The following EPHB2 variants were observed in gnomAD, a reference collection of about 807,000 sequenced individuals.
The protein encoded by EPHB2 is EPH receptor B2.
A neutral mutation model predicts 96.4 loss-of-function variants in EPHB2; 18 were observed. The ratio of observed to expected loss-of-function variants is 0.19; its 90% CI spans 0.13 to 0.28. The LOEUF (loss-of-function observed/expected upper bound fraction) is 0.28. Ranked by LOEUF, EPHB2 falls within the 10% of genes least tolerant of loss-of-function variation. The pLI, the probability that EPHB2 is intolerant of heterozygous loss-of-function variation, is 1.00. For missense variants in EPHB2, 989 were observed against 1,355.4 expected, an observed-to-expected ratio of 0.73 and a Z score of 4.25; for synonymous variants, 506 against 534.1, an observed-to-expected ratio of 0.95 and a Z score of 0.72.
At chr1:22,760,054 C>T (rs1000987411) in intron 1 of EPHB2, among the ~76,000 whole-genome samples, 7 of 152,196 alleles carry the variant, frequency 4.6e-5, no homozygotes, top group Non-Finnish European at 2.9e-5. Flanking sequence ...GGCCAAACCT[C>T]TGAGGCACGT....
intron 1 of EPHB2, among the ~76,000 whole-genome samples, chr1:22,712,040 T>A (rs1643163859): frequency 6.6e-6 from 1 of 152,190 alleles, no homozygotes; most frequent in Admixed American, 6.5e-5. Flanking sequence ...CAAACCACTT[T>A]ACAGTTTATG....
At chr1:22,820,540 A>G (rs950690016) in intron 3 of EPHB2, among the ~76,000 whole-genome samples, 4 of 151,694 alleles carry the variant, frequency 2.6e-5, no homozygotes, top group Non-Finnish European at 5.9e-5. Context: ...GTGTGTGCCT[A>G]TGGTCCCAAC....
chr1:22,777,123 G>A (rs1281947392), intron 1 of EPHB2, among the ~76,000 whole-genome samples: 2 of 152,206 alleles, frequency 1.3e-5, no homozygotes, highest in Non-Finnish European at 2.9e-5. Flanking sequence ...GAACATTAGG[G>A]CAGGCCAAGA....
At chr1:22,876,970 G>A (rs956023184) in intron 5 of EPHB2, among the ~76,000 whole-genome samples, 2 of 152,176 alleles carry the variant, frequency 1.3e-5, no homozygotes, top group Non-Finnish European at 2.9e-5. Flanking sequence ...CCAAGGCCGC[G>A]TGGGACCTGC....
intron 5 of EPHB2, 61 bp downstream of exon 5, chr1:22,865,273 GC>G: frequency 6.3e-7 from 1 of 1,588,734 alleles, no homozygotes; most frequent in South Asian, 1.1e-5. Context: ...GGAGGGTCCT[GC>G]AGTCCTCACA....
At chr1:22,715,825 C>T (rs12074571) in intron 1 of EPHB2, among the ~76,000 whole-genome samples, 13,956 of 152,266 alleles carry the variant, frequency 0.092, 796 homozygotes, top group African/African-American at 0.16. Context: ...CGCAAACAGA[C>T]GTGAGTTCAA....
intron 1 of EPHB2, among the ~76,000 whole-genome samples, chr1:22,717,405 C>T (rs1272584407): frequency 2.6e-5 from 4 of 152,190 alleles, no homozygotes; most frequent in Non-Finnish European, 4.4e-5. Context: ...CCAGTACCCC[C>T]GTGTCATCTG....
intron 3 of EPHB2, among the ~76,000 whole-genome samples, chr1:22,830,434 C>A (rs1645288523): frequency 6.6e-6 from 1 of 152,198 alleles, no homozygotes; most frequent in Non-Finnish European, 1.5e-5. Flanking sequence ...GTACACTGGG[C>A]AAGTGATATT....
chr1:22,870,322 G>A (rs1638621004), intron 5 of EPHB2, among the ~76,000 whole-genome samples: 1 of 152,148 alleles, frequency 6.6e-6, no homozygotes, highest in Non-Finnish European at 1.5e-5. Flanking sequence ...TGGCCCCGAG[G>A]AAGGAGGCTG....
rs184014436 is a variant in EPHB2, at chr1:22,846,193, C to T, written c.812-16844C>T. On this transcript the variant is annotated intron_variant, in intron 3 of 15. Transcript: ENST00000374630. This position sits in a 1 kb window ranked among gnomAD's most constrained non-coding sequence, Gnocchi z 4.3. ...TAGCAATTTGGGAGCCTGTGGCAGG[C>T]GGATCTCTTGGGTCAGGAGTTCGAG... is the stretch of plus-strand genomic sequence containing the variant. Among the ~76,000 whole-genome samples the T allele has an allele frequency of 3.5e-4, 53 of 151,828 alleles. No homozygotes were observed. The East Asian group carries it at 8.4e-3, about 24-fold the overall frequency.
intron 3 of EPHB2, among the ~76,000 whole-genome samples, chr1:22,831,479 C>T (rs562456071): frequency 5.9e-5 from 9 of 152,160 alleles, no homozygotes; most frequent in East Asian, 1.9e-4. Flanking sequence ...AAGCCTTTTG[C>T]GTGAATCCTC....
At position 22,908,068 on chromosome 1, in the gene EPHB2, A is replaced by G. The variant is rs1198551980; in HGVS notation, c.2252A>G (p.Asn751Ser). 1.2e-6 allele frequency: 2 copies of G among 1,614,240 alleles called. No individual in the cohort carries two copies. ...GTTCACCGTGACCTGGCTGCCCGCA[A>G]CATCCTCGTCAACAGCAACCTGGTC... is the stretch of plus-strand genomic sequence containing the variant. ...NYVHRDLAAR[N>S]ILVNSNLVCK... is the part of the protein sequence containing the mutation. Residue 751 changes from asparagine to serine, a missense_variant, in exon 12 of 16, where the codon AAC becomes AGC. Asn to Ser is a conservative substitution (Grantham distance 46). Coordinates refer to ENST00000374630, the MANE Select transcript of EPHB2 (RefSeq NM_017449.5).
At chr1:22,721,776 CA>C (rs1456366452) in intron 1 of EPHB2, among the ~76,000 whole-genome samples, 6 of 150,864 alleles carry the variant, frequency 4.0e-5, no homozygotes, top group Admixed American at 1.3e-4. Context: ...CCACCGCATC[CA>C]GCATTTTTTT....
At chr1:22,870,891 T>C (rs2176273) in intron 5 of EPHB2, among the ~76,000 whole-genome samples, 137,457 of 152,242 alleles carry the variant, frequency 0.9, 63,653 homozygotes, top group East Asian at 1. Flanking sequence ...TCCTCATGGA[T>C]AGCTTCGCCC....
chr1:22,791,471 CTTTT>C (rs55650452), intron 3 of EPHB2, among the ~76,000 whole-genome samples: 4 of 92,886 alleles, frequency 4.3e-5, no homozygotes, highest in African/African-American at 1.3e-4. Context: ...TTCTTTCTTT[CTTTT>C]TTTTTTTTTT....
chr1:22,785,029 T>C lies in EPHB2; in HGVS notation c.764T>C (p.Met255Thr). ...GEWLVPIGRC[M>T]CKAGFEAVEN... ...TGGCTGGTGCCCATCGGGCGCTGCA[T>C]GTGCAAAGCAGGCTTCGAGGCCGTT... Residue 255 changes from methionine (M) to threonine (T), a missense_variant, in exon 3 of 16, where the codon ATG becomes ACG. Met to Thr is a moderately conservative substitution (Grantham distance 81, BLOSUM62 -1). Transcript: ENST00000374630. The C allele has an allele frequency of 3.1e-6, 5 of 1,613,686 alleles. No homozygotes were observed. Among genetic ancestry groups the C allele is most frequent in the Non-Finnish European group, 3.4e-6 (4 of 1,180,032 alleles).
intron 1 of EPHB2, among the ~76,000 whole-genome samples, chr1:22,716,559 G>A (rs561938177): frequency 7.2e-4 from 110 of 152,168 alleles, no homozygotes; most frequent in African/African-American, 2.5e-3. Flanking sequence ...GGCTGGTCTC[G>A]AACTCCTGAC....
At chr1:22,715,466 G>C (rs994293873) in intron 1 of EPHB2, among the ~76,000 whole-genome samples, 1 of 152,086 alleles carries the variant, frequency 6.6e-6, no homozygotes, top group East Asian at 1.9e-4. Flanking sequence ...CCCACCTCTG[G>C]GGCATTACCT....
intron 1 of EPHB2, among the ~76,000 whole-genome samples, chr1:22,756,294 G>A (rs970851459): frequency 5.9e-5 from 9 of 152,202 alleles, no homozygotes; most frequent in African/African-American, 2.2e-4. Flanking sequence ...GTTTCAGGAT[G>A]GATGGGGGCA....
Sources: gnomAD v4.1 joint callset for allele counts (sites outside exome capture counted in the v4.1 genomes callset) on GRCh38, gnomAD v4.1.1 for gene constraint, Gnocchi (gnomAD v3.1) non-coding constraint, MANE v1.5 for transcripts, NCBI Gene and HGNC (gene_info 2026-07-23, HGNC 2026-07-21) for gene names.